Variants in RBM6 observed in about 807,000 individuals in gnomAD.
RBM6 encodes RNA binding motif protein 6.
Under a neutral mutation model 140.4 loss-of-function variants are expected in RBM6, and 23 were observed. The observed-to-expected ratio is 0.16, with a 90% CI of 0.12 to 0.23. RBM6 has a LOEUF of 0.23. Among genes scored for constraint, RBM6 ranks in the 10% least tolerant of loss-of-function variants. The pLI is 1.00. For missense variants in RBM6, 1,139 were observed against 1,386.7 expected, an observed-to-expected ratio of 0.82 and a Z score of 2.84; for synonymous variants, 439 against 475.6, an observed-to-expected ratio of 0.92 and a Z score of 1.00.
intron 6 of RBM6, among the ~76,000 whole-genome samples, chr3:50,017,296 G>A (rs1009107267): frequency 3.3e-5 from 5 of 152,080 alleles, no homozygotes; most frequent in Admixed American, 2.0e-4. Flanking sequence ...AGTGGCTCAC[G>A]CCTGTAATCC....
At position 50,057,725 on chromosome 3, in the gene RBM6, T is replaced by G. The variant is rs749032091; in HGVS notation, c.1694-3T>G. ...GAGATTCTCTTTGTTTCTGTTCCAC[T>G]AGTGACAGAGGCCAAGCAAGAATTA... On this transcript the variant is annotated splice_region_variant and splice_polypyrimidine_tract_variant and intron_variant, in intron 8 of 20. Transcript: ENST00000266022. The G allele has an allele frequency of 1.9e-6, 3 of 1,607,212 alleles. No homozygotes were observed. In the Admixed American group the frequency reaches 5.1e-5, roughly 27 times the overall value.
chr3:50,018,789 A>G (rs375602445), intron 6 of RBM6, among the ~76,000 whole-genome samples: 7 of 151,630 alleles, frequency 4.6e-5, no homozygotes, highest in Non-Finnish European at 1.0e-4. Flanking sequence ...CAGGGTTTCA[A>G]CATGTTGGCC....
chr3:49,965,626 C>T (rs1198076741), intron 2 of RBM6, among the ~76,000 whole-genome samples: 1 of 151,348 alleles, frequency 6.6e-6, no homozygotes, highest in African/African-American at 2.4e-5. Context: ...GCCAATATCG[C>T]GCCACTGCAC....
chr3:50,062,206 T>C, intron 15 of RBM6, 98 bp downstream of exon 15: 1 of 1,410,180 alleles, frequency 7.1e-7, no homozygotes. Flanking sequence ...GTAAAGTAAC[T>C]TTAAAAATAC....
At chr3:49,989,057 T>A (rs9845737) in intron 5 of RBM6, among the ~76,000 whole-genome samples, 2,553 of 152,084 alleles carry the variant, frequency 0.017, 98 homozygotes, top group African/African-American at 0.057. Flanking sequence ...ATTTTTTTTT[T>A]AAAAGTCCCT....
At chr3:49,989,009 G>A in intron 5 of RBM6, among the ~76,000 whole-genome samples, 1 of 152,002 alleles carries the variant, frequency 6.6e-6, no homozygotes, top group East Asian at 1.9e-4. Flanking sequence ...GGACTAGCAG[G>A]AATTCATAGC....
chr3:50,057,568 CA>C (rs2089754725), intron 8 of RBM6, among the ~76,000 whole-genome samples, 159 bp from the exon 9 acceptor site: 1 of 61,252 alleles, frequency 1.6e-5, no homozygotes, highest in African/African-American at 6.4e-5. Flanking sequence ...AGCTGGGCAA[CA>C]AGAGCAAAAC....
At chr3:49,973,352 T>G (rs2084891662) in intron 4 of RBM6, among the ~76,000 whole-genome samples, 1 of 151,988 alleles carries the variant, frequency 6.6e-6, no homozygotes, top group Non-Finnish European at 1.5e-5. Flanking sequence ...AGCCCAGGCT[T>G]GAATGCCGTG....
At chr3:49,999,400 A>T in intron 5 of RBM6, 40 bp from the exon 6 acceptor site, 1 of 1,549,072 alleles carries the variant, frequency 6.5e-7, no homozygotes, top group Non-Finnish European at 8.9e-7. Context: ...TTTGCAAGGC[A>T]CTAACACCAC....
chr3:50,047,070 A>G, intron 6 of RBM6: 1 of 630,650 alleles, frequency 1.6e-6, no homozygotes, highest in Non-Finnish European at 2.0e-6. Flanking sequence ...AGATGCTAAG[A>G]CCTAGGTAGA....
intron 4 of RBM6, among the ~76,000 whole-genome samples, chr3:49,973,271 G>T (rs2084887391): frequency 6.6e-6 from 1 of 151,826 alleles, no homozygotes; most frequent in South Asian, 2.1e-4. Context: ...TGGGACCACG[G>T]GCATGCATGC....
Position 49,967,436 on chromosome 3 carries a change from G to T in RBM6, c.45-34G>T. 6.3e-7 allele frequency: 1 copy of T among 1,592,684 alleles called. No homozygotes were observed. Among genetic ancestry groups the T allele is most frequent in the South Asian group, 1.1e-5 (1 of 88,204 alleles). Reference sequence around the variant, plus strand: ...TGGTGTGTAGATTTCAAACTCTCTGGACAATATGAATAACACTGTCTTTGT... The same window carrying T: ...TGGTGTGTAGATTTCAAACTCTCTGTACAATATGAATAACACTGTCTTTGT... On this transcript the variant is annotated intron_variant, in intron 2 of 20. Transcript: ENST00000266022. This position sits in a 1 kb window ranked among gnomAD's most constrained non-coding sequence, Gnocchi z 4.0.
At chr3:50,009,158 T>C (rs1033139702) in intron 6 of RBM6, among the ~76,000 whole-genome samples, 2 of 152,184 alleles carry the variant, frequency 1.3e-5, no homozygotes, top group African/African-American at 4.8e-5. Flanking sequence ...CACATAGTGC[T>C]TTTGTTCAGG....
At chr3:50,002,325 G>A (rs367997974) in intron 6 of RBM6, among the ~76,000 whole-genome samples, 7 of 150,620 alleles carry the variant, frequency 4.6e-5, no homozygotes, top group East Asian at 3.9e-4. Context: ...GCGGTGGCAC[G>A]ATCTCAGCTC....
intron 4 of RBM6, 43 bp downstream of exon 4, chr3:49,972,191 A>G (rs1360927167): frequency 6.8e-7 from 1 of 1,477,446 alleles, no homozygotes; most frequent in Non-Finnish European, 9.3e-7. Flanking sequence ...TCAATTAAAA[A>G]TTAAAAAAAC....
chr3:49,951,741 G>A (rs948224754), intron 1 of RBM6, among the ~76,000 whole-genome samples: 35 of 149,956 alleles, frequency 2.3e-4, no homozygotes, highest in African/African-American at 8.3e-4. Context: ...CTGTTTTTTT[G>A]AGGTGGAGTC....
chr3:50,029,527 G>A (rs1317115614), intron 6 of RBM6, among the ~76,000 whole-genome samples: 3 of 152,180 alleles, frequency 2.0e-5, no homozygotes, highest in African/African-American at 7.2e-5. Flanking sequence ...GAGGTCAGGA[G>A]TTCGAGACCA....
intron 6 of RBM6, among the ~76,000 whole-genome samples, chr3:50,029,403 A>G (rs1210064372): frequency 1.3e-5 from 2 of 152,264 alleles, no homozygotes; most frequent in East Asian, 3.9e-4. Flanking sequence ...GGGAAGGTAC[A>G]AGAGAGAGGG....
At chr3:50,011,904 T>A (rs1455783659) in intron 6 of RBM6, among the ~76,000 whole-genome samples, 1 of 151,632 alleles carries the variant, frequency 6.6e-6, no homozygotes, top group Non-Finnish European at 1.5e-5. Flanking sequence ...CCAAGCTGAG[T>A]GCAGTGGCAT....
Sources: gnomAD v4.1 joint callset for allele counts (sites outside exome capture counted in the v4.1 genomes callset) on GRCh38, gnomAD v4.1.1 for gene constraint, Gnocchi (gnomAD v3.1) non-coding constraint, MANE v1.5 for transcripts, NCBI Gene and HGNC (gene_info 2026-07-23, HGNC 2026-07-21) for gene names.